The following CSNK1D variants were observed in gnomAD, a reference collection of about 807,000 sequenced individuals.
CSNK1D encodes casein kinase I isoform delta.
CSNK1D carries 16 observed loss-of-function variants against 46.6 expected under a neutral mutation model. That is an observed-to-expected ratio of 0.34 (90% CI 0.23 to 0.52). The LOEUF (loss-of-function observed/expected upper bound fraction) is 0.52. CSNK1D is among the 20% of genes least tolerant of loss of function. The pLI is 0.95. For synonymous variants in CSNK1D, 276 were observed against 228.2 expected, an observed-to-expected ratio of 1.21 and a Z score of -1.89; for missense variants, 398 against 578.4, an observed-to-expected ratio of 0.69 and a Z score of 3.20.
At chr17:82,254,688 C>T (rs1315665637) in intron 3 of CSNK1D, 60 of 103,028 alleles carry the variant, frequency 5.8e-4, no homozygotes, top group Non-Finnish European at 9.2e-4. Context: ...GCCGGAGCCT[C>T]GAGACGCCAG....
rs557214915 is a variant in CSNK1D at position 82,248,357 on chromosome 17, C to T, written c.1197+518G>A. 35 of 998,772 alleles carry T rather than the reference C, an allele frequency of 3.5e-5. No individual in the cohort carries two copies. In the South Asian group the frequency reaches 8.9e-4, roughly 25 times the overall value. 61.9% of individuals were successfully genotyped at this position (998,772 alleles called of 1,614,324 possible). On this transcript the variant is annotated intron_variant, in intron 8 of 8. Coordinates refer to ENST00000314028, the MANE Select transcript of CSNK1D (RefSeq NM_001893.6). The surrounding 1 kb of genome is among the most constrained non-coding windows in gnomAD (Gnocchi z 4.1). ...CTGGGCTGCGCAACAGGGTACTTCT[C>T]GTCCAAGGGAAGACAGGTGAGGCCG...
chr17:82,266,408 G>A (rs1026822035), intron 1 of CSNK1D, among the ~76,000 whole-genome samples: 1 of 152,176 alleles, frequency 6.6e-6, no homozygotes, highest in Non-Finnish European at 1.5e-5. Context: ...TGTTTTCAAC[G>A]CCCTAAATGT....
chr17:82,265,178 A>AT (rs111692114), intron 2 of CSNK1D: 3,671 of 174,472 alleles, frequency 0.021, no homozygotes, highest in South Asian at 0.055. Context: ...ATGGTATAAG[A>AT]TTTTTTTTTT....
intron 8 of CSNK1D, chr17:82,247,341 C>T (rs1415756700): frequency 4.1e-6 from 4 of 985,338 alleles, no homozygotes; most frequent in African/African-American, 1.7e-5. Context: ...GGCCGTGTAC[C>T]GAGAAAAGGC....
rs1466983098 is a variant in CSNK1D at position 82,249,543 on chromosome 17, C to T, written c.945G>A (p.Leu315=). 6.5e-7 allele frequency: 1 copy of T among 1,547,492 alleles called. No homozygotes were observed. Among genetic ancestry groups the T allele is most frequent in the Non-Finnish European group, 8.7e-7 (1 of 1,148,566 alleles). Residue 315 remains leucine (L), a synonymous_variant, in exon 7 of 9, where the codon CTG becomes CTA. Coordinates refer to ENST00000314028, the MANE Select transcript of CSNK1D (RefSeq NM_001893.6). This position sits in a 1 kb window ranked among gnomAD's most constrained non-coding sequence, Gnocchi z 6.7. ...ERERRDREER[L]RHSRNPATRG... is the part of the protein sequence containing the mutation. The stretch of plus-strand genomic sequence containing the variant: ...GGGTAGCCGGGTTCCGCGAGTGTCT[C>T]AGCCGCTCCTCTCGGTCCCTGCGCT...
chr17:82,248,608 G>A lies in CSNK1D; in HGVS notation c.1197+267C>T. 1 of 1,323,280 alleles carries A rather than the reference G, an allele frequency of 7.6e-7. No homozygotes were observed. Among genetic ancestry groups the A allele is most frequent in the East Asian group, 3.3e-5 (1 of 30,316 alleles). 82.0% of individuals were successfully genotyped at this position (1,323,280 alleles called of 1,614,324 possible). A position where few individuals can be genotyped will look rare whatever the true frequency, so the allele number is the denominator to read the frequency against. ...CGGGGCACTCAAACAGCAGGAGAAA[G>A]CCCCCACGGTTTGCTGGCCTCAGGG... On this transcript the variant is annotated intron_variant, in intron 8 of 8. Transcript: ENST00000314028. This position sits in a 1 kb window ranked among gnomAD's most constrained non-coding sequence, Gnocchi z 4.1.
chr17:82,258,279 A>G (rs1348591643), intron 2 of CSNK1D, among the ~76,000 whole-genome samples: 1 of 150,264 alleles, frequency 6.7e-6, no homozygotes, highest in Non-Finnish European at 1.5e-5. Flanking sequence ...GGTCTTTTAT[A>G]TATATGTATA....
At position 82,249,539 on chromosome 17, in the gene CSNK1D, G is replaced by A; in HGVS notation, c.949C>T (p.His317Tyr). 1 of 1,547,026 alleles carries A rather than the reference G, an allele frequency of 6.5e-7. No individual in the cohort carries two copies. Among genetic ancestry groups the A allele is most frequent in the Non-Finnish European group, 8.7e-7 (1 of 1,148,242 alleles). ...ERRDREERLR[H>Y]SRNPATRGLP... ...CCGCGGGTAGCCGGGTTCCGCGAGTGTCTCAGCCGCTCCTCTCGGTCCCTG... is the reference window on the plus strand; with the variant it reads ...CCGCGGGTAGCCGGGTTCCGCGAGTATCTCAGCCGCTCCTCTCGGTCCCTG... Residue 317 changes from histidine to tyrosine, a missense_variant, in exon 7 of 9, where the codon CAC becomes TAC. His to Tyr is a moderately conservative substitution (Grantham distance 83). Transcript: ENST00000314028. This position sits in a 1 kb window ranked among gnomAD's most constrained non-coding sequence, Gnocchi z 6.7.
At position 82,252,351 on chromosome 17, in the gene CSNK1D, C is replaced by T. The variant is rs2051034689; in HGVS notation, c.736+83G>A. 2 of 1,534,716 alleles carry T rather than the reference C, an allele frequency of 1.3e-6. No individual in the cohort carries two copies. The highest frequency in any genetic ancestry group is 2.2e-5 in the East Asian group (1 of 44,514). ...AGGTGAGCAACTCTTCTGACAAAAC[C>T]CAGACTGAGCCGTCTCGGCACACCC... On this transcript the variant is annotated intron_variant, in intron 5 of 8. Coordinates refer to ENST00000314028, the MANE Select transcript of CSNK1D (RefSeq NM_001893.6). The surrounding 1 kb of genome is among the most constrained non-coding windows in gnomAD (Gnocchi z 4.6).
chr17:82,250,228 C>T lies in CSNK1D; in HGVS notation c.886-626G>A, dbSNP rs1448081022. ...GCCAATGCTGTGCGGCAGGGGCCTG[C>T]AAACTACAGCCCCGGGGCCAAACCC... On this transcript the variant is annotated intron_variant, in intron 6 of 8. Transcript: ENST00000314028. This position sits in a 1 kb window ranked among gnomAD's most constrained non-coding sequence, Gnocchi z 4.6. The T allele has an allele frequency of 7.8e-7, 1 of 1,289,150 alleles. No individual in the cohort carries two copies. Among genetic ancestry groups the T allele is most frequent in the Admixed American group, 2.3e-5 (1 of 43,556 alleles). 79.9% of individuals were successfully genotyped at this position (1,289,150 alleles called of 1,614,324 possible).
In CSNK1D at chr17:82,248,617, G is replaced by C. The variant is rs2050911242; in HGVS notation, c.1197+258C>G. The stretch of plus-strand genomic sequence containing the variant: ...CAAACAGCAGGAGAAAGCCCCCACG[G>C]TTTGCTGGCCTCAGGGACCTGAGAC... On this transcript the variant is annotated intron_variant, in intron 8 of 8. Coordinates refer to ENST00000314028, the MANE Select transcript of CSNK1D (RefSeq NM_001893.6). The surrounding 1 kb of genome is among the most constrained non-coding windows in gnomAD (Gnocchi z 4.1). 3 of 1,344,602 alleles carry C rather than the reference G, an allele frequency of 2.2e-6. No homozygotes were observed. Among genetic ancestry groups the C allele is most frequent in the South Asian group, 3.2e-5 (2 of 62,372 alleles). The allele number at this position is 1,344,602 out of a possible 1,614,324, so 83.3% of individuals were successfully genotyped here. A position where few individuals can be genotyped will look rare whatever the true frequency, so the allele number is the denominator to read the frequency against.
chr17:82,243,535 C>T lies in CSNK1D; in HGVS notation c.*1246G>A. On this transcript the variant is annotated 3_prime_UTR_variant, in exon 9 of 9. Transcript: ENST00000314028. ...ACTCGGCCCCACGCACGCTGCTTCA[C>T]TTCTGACCAACAGACACGCGCCCAA... is the stretch of plus-strand genomic sequence containing the variant. The T allele has an allele frequency of 2.0e-6, 2 of 985,494 alleles. No homozygotes were observed. The highest frequency in any genetic ancestry group is 2.4e-6 in the Non-Finnish European group (2 of 829,964). 61.0% of individuals were successfully genotyped at this position (985,494 alleles called of 1,614,324 possible).
chr17:82,263,901 C>A (rs1387554330), intron 2 of CSNK1D, among the ~76,000 whole-genome samples: 2 of 152,204 alleles, frequency 1.3e-5, no homozygotes, highest in South Asian at 4.1e-4. Flanking sequence ...AGGGCGGAGT[C>A]TCTGCTGAGC....
At position 82,244,660 on chromosome 17, in the gene CSNK1D, T is replaced by C. The variant is rs1481497751; in HGVS notation, c.*121A>G. On this transcript the variant is annotated 3_prime_UTR_variant, in exon 9 of 9. Transcript: ENST00000314028. ...CACGAGCGTCGCTGGGTGAGTGGCC[T>C]GGAGAGCTCCCGGTGTTAACATTTC... 6.4e-7 allele frequency: 1 copy of C among 1,569,688 alleles called. No individual in the cohort carries two copies. The highest frequency in any genetic ancestry group is 2.3e-5 in the East Asian group (1 of 43,312).
Position 82,255,471 on chromosome 17 carries a change from C to T in CSNK1D, c.294G>A (p.Arg98=), listed in dbSNP as rs778690634. ...SLEDLFNFCS[R]KFSLKTVLLL... Reference sequence around the variant, plus strand: ...GCAGGACGGTTTTGAGGCTGAATTTCCTGGAGCAGAAGTTGAAGAGGTCCT... The same window carrying T: ...GCAGGACGGTTTTGAGGCTGAATTTTCTGGAGCAGAAGTTGAAGAGGTCCT... Residue 98 remains arginine (R), a synonymous_variant, in exon 3 of 9, where the codon AGG becomes AGA. Transcript: ENST00000314028. The surrounding 1 kb of genome is among the most constrained non-coding windows in gnomAD (Gnocchi z 5.9). 8 of 1,614,166 alleles carry T rather than the reference C, an allele frequency of 5.0e-6. No individual in the cohort carries two copies. The highest frequency in any genetic ancestry group is 5.9e-6 in the Non-Finnish European group (7 of 1,180,042).
intron 8 of CSNK1D, chr17:82,246,279 G>A (rs761893136): frequency 2.0e-4 from 286 of 1,422,024 alleles, no homozygotes; most frequent in Non-Finnish European, 2.4e-4. Flanking sequence ...AATGGCATGG[G>A]ACAGGCCCTC....
Position 82,253,209 on chromosome 17 carries a change from G to C in CSNK1D, c.372C>G (p.Phe124Leu). 6.2e-7 allele frequency: 1 copy of C among 1,614,150 alleles called. No individual in the cohort carries two copies. The change falls in exon 4 of 9, where the codon TTC becomes TTG. Residue 124 changes from phenylalanine (F) to leucine (L), a missense_variant. This residue lies in a region of CSNK1D where 217 missense variants were observed against 370.3 expected (regional missense o/e 0.59). Coordinates refer to ENST00000314028, the MANE Select transcript of CSNK1D (RefSeq NM_001893.6). ...TGTCTGGCTTCACATCCCGGTGGAT[G>C]AAGTTCTTTGAATGAATGTATTCGA... ...SRIEYIHSKN[F>L]IHRDVKPDNF...
Position 82,244,046 on chromosome 17 carries a change from G to A in CSNK1D, c.*735C>T, listed in dbSNP as rs2147148362. The stretch of plus-strand genomic sequence containing the variant: ...TGCGGTCCCTAACTGCTCTCCGAGG[G>A]CCTCAAGAGTTCCTGACAGCAGGCA... On this transcript the variant is annotated 3_prime_UTR_variant, in exon 9 of 9. Coordinates refer to ENST00000314028, the MANE Select transcript of CSNK1D (RefSeq NM_001893.6). The A allele has an allele frequency of 1.0e-6, 1 of 988,798 alleles. No individual in the cohort carries two copies. Among genetic ancestry groups the A allele is most frequent in the Non-Finnish European group, 1.2e-6 (1 of 831,926 alleles). The allele number at this position is 988,798 out of a possible 1,614,324, so 61.3% of individuals were successfully genotyped here.
Position 82,252,290 on chromosome 17 carries a change from A to G in CSNK1D, c.736+144T>C. 1 of 944,832 alleles carries G rather than the reference A, an allele frequency of 1.1e-6. No individual in the cohort carries two copies. Among genetic ancestry groups the G allele is most frequent in the East Asian group, 2.4e-5 (1 of 41,826 alleles). 58.5% of individuals were successfully genotyped at this position (944,832 alleles called of 1,614,324 possible). A position where few individuals can be genotyped will look rare whatever the true frequency, so the allele number is the denominator to read the frequency against. On this transcript the variant is annotated intron_variant, in intron 5 of 8. Coordinates refer to ENST00000314028, the MANE Select transcript of CSNK1D (RefSeq NM_001893.6). The surrounding 1 kb of genome is among the most constrained non-coding windows in gnomAD (Gnocchi z 4.6). ...AGGGCAGGCTGTTACCTCCATACAC[A>G]AAAGCGCCCCGCTTTCCTGCCACCA...
Sources: allele counts gnomAD v4.1 joint callset (sites outside exome capture counted in the v4.1 genomes callset), GRCh38; gene constraint gnomAD v4.1.1; regional missense constraint gnomAD v4.1.1; non-coding constraint Gnocchi (gnomAD v3.1); transcripts MANE v1.5; gene names NCBI Gene and HGNC (gene_info 2026-07-23, HGNC 2026-07-21).